SGF29: variants seen among roughly 807,000 people sequenced by gnomAD.
The protein encoded by SGF29 is SAGA complex associated factor 29.
In SGF29, 15 loss-of-function variants were observed where a neutral mutation model predicts 38.1. That is an observed-to-expected ratio of 0.39 (90% CI 0.26 to 0.61). The LOEUF (loss-of-function observed/expected upper bound fraction) is 0.61. Ranked by LOEUF, SGF29 falls within the 20% of genes least tolerant of loss-of-function variation. SGF29 has a pLI of 0.49. For missense variants in SGF29, 184 were observed against 394.6 expected (o/e 0.47, Z 4.52); for synonymous variants, 151 against 160.8 (o/e 0.94, Z 0.46).
At chr16:28,563,196 G>A (rs1382722278) in intron 1 of SGF29, among the ~76,000 whole-genome samples, 4 of 152,150 alleles carry the variant, frequency 2.6e-5, no homozygotes, top group Admixed American at 2.0e-4. Context: ...CAGAGGTTCT[G>A]TAATAACTGT....
intron 1 of SGF29, among the ~76,000 whole-genome samples, chr16:28,560,085 C>CA (rs1172713789): frequency 1.3e-5 from 2 of 151,030 alleles, no homozygotes; most frequent in Non-Finnish European, 2.9e-5. Flanking sequence ...ACTAAAAGTA[C>CA]AAAAAAATTA....
At chr16:28,560,874 T>G (rs2046783485) in intron 1 of SGF29, among the ~76,000 whole-genome samples, 1 of 147,426 alleles carries the variant, frequency 6.8e-6, no homozygotes. Context: ...GGCAGGAGAA[T>G]GGCGTGAACC....
chr16:28,566,143 G>A (rs991777546), intron 1 of SGF29, among the ~76,000 whole-genome samples: 1 of 151,676 alleles, frequency 6.6e-6, no homozygotes, highest in African/African-American at 2.4e-5. Flanking sequence ...GCGTGGTGGC[G>A]GGCGCCTGTA....
At chr16:28,588,969 C>T in intron 4 of SGF29, 131 bp from the exon 5 acceptor site, 1 of 887,572 alleles carries the variant, frequency 1.1e-6, no homozygotes, top group Non-Finnish European at 1.8e-6. Context: ...GCGCAGGAGG[C>T]TACTGTGAGA....
Position 28,581,051 on chromosome 16 carries a change from C to T in SGF29, c.-15-4C>T, listed in dbSNP as rs746054226. 1 of 1,611,418 alleles carries T rather than the reference C, an allele frequency of 6.2e-7. No homozygotes were observed. Among genetic ancestry groups the T allele is most frequent in the South Asian group, 1.1e-5 (1 of 90,820 alleles). On this transcript the variant is annotated splice_region_variant and splice_polypyrimidine_tract_variant and intron_variant, in intron 1 of 9. Coordinates refer to ENST00000317058, the MANE Select transcript of SGF29 (RefSeq NM_138414.3). The stretch of plus-strand genomic sequence containing the variant: ...GTTCTCTTCTGTCCTCGCTCCCCCA[C>T]CAGGTGCCCCTGTAGACAATGGCCC...
At chr16:28,572,152 AT>A (rs1280514951) in intron 1 of SGF29, among the ~76,000 whole-genome samples, 1 of 144,862 alleles carries the variant, frequency 6.9e-6, no homozygotes, top group Non-Finnish European at 1.5e-5. Context: ...AATTTTTAGT[AT>A]TTTTAGTGGA....
intron 4 of SGF29, among the ~76,000 whole-genome samples, chr16:28,587,529 C>T (rs1389865531): frequency 6.6e-6 from 1 of 152,210 alleles, no homozygotes; most frequent in African/African-American, 2.4e-5. Context: ...TGTTCCTTGT[C>T]CCTGCGTTGG....
At chr16:28,586,760 A>G (rs906475301) in intron 4 of SGF29, among the ~76,000 whole-genome samples, 10 of 152,192 alleles carry the variant, frequency 6.6e-5, no homozygotes, top group Non-Finnish European at 1.3e-4. Context: ...CTGGTGGGTC[A>G]TATTAGACGG....
chr16:28,585,292 G>T (rs957128995), intron 3 of SGF29: 1 of 512,650 alleles, frequency 2.0e-6, no homozygotes, highest in Non-Finnish European at 3.5e-6. Flanking sequence ...GGCGGCCCCT[G>T]CATCTGCCCT....
At chr16:28,580,892 G>A (rs1048873883) in intron 1 of SGF29, among the ~76,000 whole-genome samples, 163 bp from the exon 2 acceptor site, 1 of 152,118 alleles carries the variant, frequency 6.6e-6, no homozygotes, top group African/African-American at 2.4e-5. Context: ...TGTTGCCCAG[G>A]CTGGTCTTGA....
At chr16:28,589,319 C>A in intron 5 of SGF29, 155 bp downstream of exon 5, 1 of 698,284 alleles carries the variant, frequency 1.4e-6, no homozygotes, top group Non-Finnish European at 2.4e-6. Context: ...TGAGAAGGGA[C>A]AGGAGGTCAT....
intron 1 of SGF29, among the ~76,000 whole-genome samples, chr16:28,562,922 A>AAG (rs2046798236): frequency 6.6e-6 from 1 of 151,390 alleles, no homozygotes; most frequent in East Asian, 1.9e-4. Flanking sequence ...AAAAAAAAAA[A>AAG]AAAAAGACTT....
At chr16:28,560,699 C>T (rs1173780049) in intron 1 of SGF29, among the ~76,000 whole-genome samples, 3 of 152,054 alleles carry the variant, frequency 2.0e-5, no homozygotes, top group Non-Finnish European at 4.4e-5. Flanking sequence ...CAGTGGCTCA[C>T]GCCGGTAATC....
At chr16:28,559,051 C>T (rs1410964954) in intron 1 of SGF29, among the ~76,000 whole-genome samples, 2 of 152,132 alleles carry the variant, frequency 1.3e-5, no homozygotes, top group African/African-American at 4.8e-5. Flanking sequence ...GGTGCGGTGG[C>T]TCACATTTTT....
At chr16:28,591,530 G>A (rs537129278) in intron 9 of SGF29, 60 bp from the exon 10 acceptor site, 18 of 1,172,802 alleles carry the variant, frequency 1.5e-5, no homozygotes, top group African/African-American at 3.0e-5. Flanking sequence ...CTGGGGGAAG[G>A]GGGTGCCTGT....
At chr16:28,562,731 C>T (rs1311752746) in intron 1 of SGF29, among the ~76,000 whole-genome samples, 1 of 151,692 alleles carries the variant, frequency 6.6e-6, no homozygotes, top group Non-Finnish European at 1.5e-5. Context: ...GGCAAGACCT[C>T]ATCTCTACAA....
At chr16:28,568,193 A>G (rs1386255815) in intron 1 of SGF29, among the ~76,000 whole-genome samples, 1 of 151,348 alleles carries the variant, frequency 6.6e-6, no homozygotes, top group Non-Finnish European at 1.5e-5. Context: ...GGCGCCTATA[A>G]TCCCAGCTGC....
At chr16:28,564,431 A>G (rs573068392) in intron 1 of SGF29, among the ~76,000 whole-genome samples, 40 of 150,304 alleles carry the variant, frequency 2.7e-4, no homozygotes, top group Admixed American at 2.6e-3. Flanking sequence ...GCAACAAACC[A>G]GAATGGTGGT....
At chr16:28,588,090 A>G (rs55792032) in intron 4 of SGF29, among the ~76,000 whole-genome samples, 48,869 of 151,996 alleles carry the variant, frequency 0.32, 8,696 homozygotes, top group Non-Finnish European at 0.38. Context: ...GTGAGCCACC[A>G]CACCCATCCC....
Sources: gnomAD v4.1 joint callset for allele counts (sites outside exome capture counted in the v4.1 genomes callset) on GRCh38, gnomAD v4.1.1 for gene constraint, MANE v1.5 for transcripts, NCBI Gene and HGNC (gene_info 2026-07-23, HGNC 2026-07-21) for gene names.